The following SFRP1 variants were observed in gnomAD, a reference collection of about 807,000 sequenced individuals.
SFRP1 encodes secreted frizzled related protein 1, also known as secreted frizzled-related protein 1.
Under a neutral mutation model 25.9 loss-of-function variants are expected in SFRP1, and 9 were observed. The ratio of observed to expected loss-of-function variants is 0.35; its 90% confidence interval spans 0.21 to 0.61. The LOEUF is 0.61. Ranked by LOEUF, SFRP1 falls within the 20% of genes least tolerant of loss-of-function variation. The pLI, the probability that SFRP1 is intolerant of heterozygous loss-of-function variation, is 0.78. For missense variants in SFRP1, 346 were observed against 418.2 expected, an observed-to-expected ratio of 0.83 and a Z score of 1.51; for synonymous variants, 178 against 174.0, an observed-to-expected ratio of 1.02 and a Z score of -0.18.
intron 2 of SFRP1, among the ~76,000 whole-genome samples, chr8:41,280,165 C>T (rs914595777): frequency 5.9e-5 from 9 of 152,148 alleles, no homozygotes; most frequent in African/African-American, 1.4e-4. Flanking sequence ...GGAGGGCTGA[C>T]GGAGCTCATA....
intron 1 of SFRP1, chr8:41,307,093 C>A (rs897763922): frequency 2.4e-6 from 3 of 1,239,498 alleles, no homozygotes; most frequent in Admixed American, 6.2e-5. Flanking sequence ...TCCCCGCTGG[C>A]TGAGGAAGGG....
Position 41,308,674 on chromosome 8 carries a change from C to T in SFRP1, c.486G>A (p.Glu162=). 1 of 1,611,000 alleles carries T rather than the reference C, an allele frequency of 6.2e-7. No individual in the cohort carries two copies. Among genetic ancestry groups the T allele is most frequent in the Non-Finnish European group, 8.5e-7 (1 of 1,178,422 alleles). Residue 162 remains glutamate (E), a synonymous_variant, in exon 1 of 3, where the codon GAG becomes GAA. Coordinates refer to ENST00000220772, the MANE Select transcript of SFRP1 (RefSeq NM_003012.5). The part of the protein sequence containing the change: ...PEMLKCDKFP[E]GDVCIAMTPP... ...GCGTCATGGCGATGCAGACGTCCCC[C>T]TCGGGGAACTTGTCACACTTAAGCA...
intron 2 of SFRP1, among the ~76,000 whole-genome samples, chr8:41,299,790 G>T (rs1321693273): frequency 6.6e-6 from 1 of 151,838 alleles, no homozygotes; most frequent in Non-Finnish European, 1.5e-5. Context: ...CTATTTGAGT[G>T]CAAATAGGCC....
intron 2 of SFRP1, among the ~76,000 whole-genome samples, chr8:41,293,925 A>AC (rs1268455039): frequency 6.9e-6 from 1 of 144,778 alleles, no homozygotes; most frequent in Non-Finnish European, 1.5e-5. Flanking sequence ...ATATCTGGCT[A>AC]CTTTTTTTTT....
rs757134616 is a variant in SFRP1 at position 41,308,833 on chromosome 8, G to C, written c.327C>G (p.Thr109=). ...CGAAGAGCGAGCAGAGGAAGACCTG[G>C]GTGCCGGCGTGGCAGTTCTTGTTGA... ...PLLNKNCHAG[T]QVFLCSLFAP... is the part of the protein sequence containing the mutation. Residue 109 remains threonine, a synonymous_variant, in exon 1 of 3, where the codon ACC becomes ACG. Transcript: ENST00000220772. 1.7e-5 allele frequency: 28 copies of C among 1,610,240 alleles called. No individual in the cohort carries two copies. Among genetic ancestry groups the C allele is most frequent in the South Asian group, 1.5e-4 (14 of 90,878 alleles).
In SFRP1 at chr8:41,265,629, A is replaced by T. The variant is rs1007212345; in HGVS notation, c.623-140T>A. On this transcript the variant is annotated intron_variant, in intron 2 of 2. Transcript: ENST00000220772. ...TTATACTTTCTTCTTGTAAATATAT[A>T]TGTTTTTAATTTTAGATTCAGGGGC... The T allele has an allele frequency of 6.5e-6, 4 of 614,304 alleles. No individual in the cohort carries two copies. In the South Asian group the frequency reaches 1.0e-4, roughly 16 times the overall value. 38.1% of individuals were successfully genotyped at this position (614,304 alleles called of 1,614,324 possible). A position where few individuals can be genotyped will look rare whatever the true frequency, so the allele number is the denominator to read the frequency against.
chr8:41,264,807 A>T lies in SFRP1; in HGVS notation c.*360T>A, dbSNP rs902015715. ...TCCACACCAACAAGTTGCAAAATGT[A>T]GTTTTTGCTGCTGGCTCTCACTTTC... On this transcript the variant is annotated 3_prime_UTR_variant, in exon 3 of 3. Coordinates refer to ENST00000220772, the MANE Select transcript of SFRP1 (RefSeq NM_003012.5). The T allele has an allele frequency of 2.4e-5, 5 of 212,426 alleles. No individual in the cohort carries two copies. Among genetic ancestry groups the T allele is most frequent in the African/African-American group, 1.1e-4 (5 of 43,686 alleles). 13.2% of individuals were successfully genotyped at this position (212,426 alleles called of 1,614,324 possible).
intron 2 of SFRP1, among the ~76,000 whole-genome samples, chr8:41,281,756 C>A (rs1803636973): frequency 6.6e-6 from 1 of 152,226 alleles, no homozygotes; most frequent in South Asian, 2.1e-4. Context: ...AACCCCCACA[C>A]CCTACAGGGT....
At position 41,265,480 on chromosome 8, in the gene SFRP1, A is replaced by G; in HGVS notation, c.632T>C (p.Met211Thr). ...HLCASEFALR[M>T]KIKEVKKENG... ...TTCTTTTTTCACTTCTTTTATTTTC[A>G]TCCTCAGTGCTAGAGATGGAGAGGA... Residue 211 changes from methionine to threonine, a missense_variant, in exon 3 of 3, where the codon ATG becomes ACG. By Grantham distance (81) the Met-to-Thr change is moderately conservative. Coordinates refer to ENST00000220772, the MANE Select transcript of SFRP1 (RefSeq NM_003012.5). 6.2e-7 allele frequency: 1 copy of G among 1,606,042 alleles called. No homozygotes were observed. The highest frequency in any genetic ancestry group is 2.2e-5 in the East Asian group (1 of 44,844).
intron 2 of SFRP1, among the ~76,000 whole-genome samples, chr8:41,282,599 TAAATA>T (rs903948054): frequency 2.0e-5 from 3 of 151,164 alleles, no homozygotes; most frequent in African/African-American, 7.4e-5. Flanking sequence ...AATAAAATTT[TAAATA>T]AAATAAAAAT....
chr8:41,299,981 T>C (rs773084424), intron 2 of SFRP1, among the ~76,000 whole-genome samples: 11 of 152,168 alleles, frequency 7.2e-5, no homozygotes, highest in Non-Finnish European at 5.9e-5. Flanking sequence ...AGCCTGCAGG[T>C]GCCGCAGTGA....
Position 41,263,800 on chromosome 8 carries a change from T to C in SFRP1, c.*1367A>G, listed in dbSNP as rs1023304024. On this transcript the variant is annotated 3_prime_UTR_variant, in exon 3 of 3. Transcript: ENST00000220772. ...TGCAGAGATGTTTTGCTTTTGAAAC[T>C]CTCTCGCTGGATGGGGACACCCCAC... 1 of 152,212 alleles carries C rather than the reference T, an allele frequency of 6.6e-6. No individual in the cohort carries two copies. Among genetic ancestry groups the C allele is most frequent in the Non-Finnish European group, 1.5e-5 (1 of 68,052 alleles). The allele number at this position is 152,212 out of a possible 1,614,324, so 9.4% of individuals were successfully genotyped here.
intron 2 of SFRP1, among the ~76,000 whole-genome samples, chr8:41,281,053 C>T (rs768053938): frequency 6.6e-5 from 10 of 152,208 alleles, no homozygotes; most frequent in African/African-American, 1.4e-4. Context: ...GGGACAGGCC[C>T]GTGAGCTCCT....
chr8:41,308,538 G>A (rs928430067), intron 1 of SFRP1, 78 bp downstream of exon 1: 5 of 1,208,648 alleles, frequency 4.1e-6, no homozygotes, highest in Non-Finnish European at 5.7e-6. Context: ...GGCGGGCGTA[G>A]GGTGGCGCGG....
At chr8:41,287,095 T>C (rs1366458260) in intron 2 of SFRP1, among the ~76,000 whole-genome samples, 1 of 152,184 alleles carries the variant, frequency 6.6e-6, no homozygotes, top group Non-Finnish European at 1.5e-5. Flanking sequence ...CAAGGTTTCA[T>C]TTCCTCAAGC....
chr8:41,296,093 C>T (rs1012941869), intron 2 of SFRP1, among the ~76,000 whole-genome samples: 48 of 142,908 alleles, frequency 3.4e-4, no homozygotes, highest in African/African-American at 1.1e-3. Flanking sequence ...GCAAGTCCCT[C>T]TTCTTGGTCA....
At chr8:41,306,701 C>T (rs1370914719) in intron 1 of SFRP1, 2 of 1,596,192 alleles carry the variant, frequency 1.3e-6, no homozygotes, top group Non-Finnish European at 1.7e-6. Context: ...CCTCAAAGAC[C>T]TGTCTTGGGA....
In SFRP1 at chr8:41,265,299, C is replaced by T. The variant is rs1064796559; in HGVS notation, c.813G>A (p.Met271Ile). 6.2e-7 allele frequency: 1 copy of T among 1,614,172 alleles called. No homozygotes were observed. The highest frequency in any genetic ancestry group is 8.5e-7 in the Non-Finnish European group (1 of 1,180,028). The stretch of plus-strand genomic sequence containing the variant: ...AGTACTGGCTCTTCACCTTGCGGCC[C>T]ATGATGAGGAAGTGGTGGCTGAGGT... ...LDNLSHHFLI[M>I]GRKVKSQYLL... is the part of the protein sequence containing the mutation. Residue 271 changes from methionine (M) to isoleucine (I), a missense_variant, in exon 3 of 3, where the codon ATG becomes ATA. By Grantham distance (10) the Met-to-Ile change is conservative. Coordinates refer to ENST00000220772, the MANE Select transcript of SFRP1 (RefSeq NM_003012.5).
chr8:41,265,117 CCCGCT>C lies in SFRP1; in HGVS notation c.*45_*49del. 2 of 471,992 alleles carry C rather than the reference CCCGCT, an allele frequency of 4.2e-6. No individual in the cohort carries two copies. The highest frequency in any genetic ancestry group is 8.1e-6 in the Non-Finnish European group (2 of 245,700). 29.2% of individuals were successfully genotyped at this position (471,992 alleles called of 1,614,324 possible). ...ACCGGGTTCCCGGGGCACTGTCCCCCCCGCTCCCACCCCACCCGAGGCTCCCTCCC... is the reference window on the plus strand; with the variant it reads ...ACCGGGTTCCCGGGGCACTGTCCCCCCCCACCCCACCCGAGGCTCCCTCCC... On this transcript the variant is annotated 3_prime_UTR_variant, in exon 3 of 3. Coordinates refer to ENST00000220772, the MANE Select transcript of SFRP1 (RefSeq NM_003012.5).
Sources: gnomAD v4.1 joint callset for allele counts (sites outside exome capture counted in the v4.1 genomes callset) on GRCh38, gnomAD v4.1.1 for gene constraint, MANE v1.5 for transcripts, NCBI Gene and HGNC (gene_info 2026-07-23, HGNC 2026-07-21) for gene names.